The following PKHD1 variants were observed in gnomAD, a reference collection of about 807,000 sequenced individuals.
PKHD1 encodes the protein PKHD1 ciliary IPT domain containing fibrocystin/polyductin.
PKHD1 carries 291 observed loss-of-function variants against 412.0 expected under a neutral mutation model. The ratio of observed to expected loss-of-function variants is 0.71; its 90% confidence interval spans 0.64 to 0.78. The LOEUF (loss-of-function observed/expected upper bound fraction) is 0.78. Ranked by LOEUF, PKHD1 falls within the 30% of genes least tolerant of loss-of-function variation. The pLI, the probability that PKHD1 is intolerant of heterozygous loss-of-function variation, is 0.00. For missense variants in PKHD1, 4,825 were observed against 4,950.7 expected (o/e 0.97, Z 0.76); for synonymous variants, 1,777 against 1,821.5 (o/e 0.98, Z 0.62).
At chr6:51,694,065 G>A (rs960836142) in intron 60 of PKHD1, among the ~76,000 whole-genome samples, 3 of 151,924 alleles carry the variant, frequency 2.0e-5, no homozygotes, top group African/African-American at 7.3e-5. Flanking sequence ...CCCCATTCCC[G>A]CCTCTCTTAC....
intron 35 of PKHD1, among the ~76,000 whole-genome samples, chr6:51,972,523 T>G (rs1341767634): frequency 6.6e-6 from 1 of 152,226 alleles, no homozygotes; most frequent in Admixed American, 6.5e-5. Flanking sequence ...ACCTAGAATT[T>G]GAGAAACTTG....
chr6:52,049,456 T>C lies in PKHD1; in HGVS notation c.2279+701A>G, dbSNP rs182553078. The stretch of plus-strand genomic sequence containing the variant: ...AGACATATATGTGTATACACATATA[T>C]ACACTGTGAATATATATATCCCTAC... On this transcript the variant is annotated intron_variant, in intron 22 of 66. Coordinates refer to ENST00000371117, the MANE Select transcript of PKHD1 (RefSeq NM_138694.4). 5.7e-3 allele frequency among the ~76,000 whole-genome samples: 864 copies of C among 152,334 alleles called. 7 individuals carry two copies. The highest frequency in any genetic ancestry group is 9.3e-3 in the Non-Finnish European group (630 of 68,018).
At chr6:51,644,294 T>C (rs186321959) in intron 63 of PKHD1, among the ~76,000 whole-genome samples, 3,866 of 152,298 alleles carry the variant, frequency 0.025, 179 homozygotes, top group African/African-American at 0.088. Context: ...CAATTTTATA[T>C]GTTTCTTAAG....
chr6:52,071,295 G>A (rs1230745752), intron 8 of PKHD1, among the ~76,000 whole-genome samples: 1 of 151,466 alleles, frequency 6.6e-6, no homozygotes, highest in Non-Finnish European at 1.5e-5. Context: ...TTGCCCTAGT[G>A]CTAACTAGTA....
Position 52,062,554 on chromosome 6 carries a change from T to G in PKHD1, c.1083A>C (p.Pro361=). The change falls in exon 14 of 67, where the codon CCA becomes CCC. Residue 361 remains proline, a synonymous_variant. Coordinates refer to ENST00000371117, the MANE Select transcript of PKHD1 (RefSeq NM_138694.4). ...GTCCTTCCTGTGACCAAAACCCAAA[T>G]GGAGAACTGGCATTAGGGACAATCT... ...RWQIVPNASS[P]FGFWSQEGQP... 6.2e-7 allele frequency: 1 copy of G among 1,614,122 alleles called. No individual in the cohort carries two copies.
intron 53 of PKHD1, among the ~76,000 whole-genome samples, chr6:51,783,259 T>A (rs1281206451): frequency 1.3e-5 from 2 of 152,180 alleles, no homozygotes; most frequent in East Asian, 3.9e-4. Context: ...TTGGGGCATA[T>A]CTTGTTGACT....
intron 34 of PKHD1, among the ~76,000 whole-genome samples, chr6:52,014,747 TGGATGG>T (rs1159072582): frequency 2.6e-4 from 37 of 142,484 alleles, no homozygotes; most frequent in African/African-American, 7.2e-4. Context: ...GATGGATGGA[TGGATGG>T]ATGGATGGAT....
chr6:51,799,228 T>C (rs1376447740), intron 52 of PKHD1, among the ~76,000 whole-genome samples: 1 of 152,176 alleles, frequency 6.6e-6, no homozygotes, highest in Non-Finnish European at 1.5e-5. Flanking sequence ...AGGAAAAGTA[T>C]AGAATGAAGA....
intron 35 of PKHD1, among the ~76,000 whole-genome samples, chr6:51,969,017 T>C (rs969699513): frequency 6.6e-6 from 1 of 152,236 alleles, no homozygotes; most frequent in African/African-American, 2.4e-5. Context: ...GTAATGATGA[T>C]AGAATTATGC....
At chr6:51,717,251 A>T (rs1262637884) in intron 60 of PKHD1, among the ~76,000 whole-genome samples, 1 of 152,158 alleles carries the variant, frequency 6.6e-6, no homozygotes, top group Non-Finnish European at 1.5e-5. Flanking sequence ...GTCTTTACTA[A>T]AAAAACAAAA....
intron 55 of PKHD1, among the ~76,000 whole-genome samples, chr6:51,771,224 A>T (rs1367151433): frequency 7.4e-6 from 1 of 135,300 alleles, no homozygotes; most frequent in Admixed American, 7.5e-5. Context: ...ACACACACAC[A>T]TGCACATAAC....
chr6:51,961,794 A>G (rs1043075434), intron 35 of PKHD1, among the ~76,000 whole-genome samples: 1 of 151,484 alleles, frequency 6.6e-6, no homozygotes, highest in African/African-American at 2.4e-5. Flanking sequence ...ACATTTGAAA[A>G]CTCTTGGATT....
intron 46 of PKHD1, among the ~76,000 whole-genome samples, chr6:51,882,216 G>C (rs1471665463): frequency 2.0e-5 from 3 of 151,986 alleles, no homozygotes; most frequent in Non-Finnish European, 4.4e-5. Context: ...CAGTCTGAAA[G>C]GAAGAATCAT....
At chr6:51,904,691 T>C (rs1396473382) in intron 41 of PKHD1, among the ~76,000 whole-genome samples, 2 of 152,188 alleles carry the variant, frequency 1.3e-5, no homozygotes, top group Non-Finnish European at 2.9e-5. Context: ...TGTAATACAA[T>C]AGATGTCAAA....
At chr6:51,973,489 G>A (rs556440609) in intron 35 of PKHD1, among the ~76,000 whole-genome samples, 2 of 152,068 alleles carry the variant, frequency 1.3e-5, no homozygotes, top group Non-Finnish European at 2.9e-5. Context: ...CAGAATCTTT[G>A]GTGAATACTA....
chr6:51,787,020 T>G (rs562800099), intron 53 of PKHD1, among the ~76,000 whole-genome samples: 3 of 152,266 alleles, frequency 2.0e-5, no homozygotes, highest in African/African-American at 7.2e-5. Flanking sequence ...ATGATTCAAC[T>G]CTATTAAAAG....
At chr6:51,625,168 A>C (rs1396014239) in intron 66 of PKHD1, among the ~76,000 whole-genome samples, 2 of 152,184 alleles carry the variant, frequency 1.3e-5, no homozygotes, top group African/African-American at 4.8e-5. Flanking sequence ...GCTCAGTTCC[A>C]ACAGCTCAAT....
chr6:52,064,625 C>T (rs1047828731), intron 13 of PKHD1, among the ~76,000 whole-genome samples: 1 of 152,162 alleles, frequency 6.6e-6, no homozygotes, highest in Admixed American at 6.5e-5. Flanking sequence ...TGCAACTGAC[C>T]CATTGAATGA....
intron 35 of PKHD1, among the ~76,000 whole-genome samples, chr6:51,961,506 G>T (rs1042443971): frequency 6.6e-6 from 1 of 152,046 alleles, no homozygotes; most frequent in Non-Finnish European, 1.5e-5. Flanking sequence ...GTATCTGTAG[G>T]CTACAAAAGT....
Sources: allele counts gnomAD v4.1 joint callset (sites outside exome capture counted in the v4.1 genomes callset), GRCh38; gene constraint gnomAD v4.1.1; transcripts MANE v1.5; gene names NCBI Gene and HGNC (gene_info 2026-07-23, HGNC 2026-07-21).